The following CNTNAP5 variants were observed in gnomAD, a reference collection of about 807,000 sequenced individuals.
CNTNAP5 encodes the protein contactin associated protein family member 5.
CNTNAP5 carries 72 observed loss-of-function variants against 150.2 expected under a neutral mutation model. The observed-to-expected ratio is 0.48, with a 90% CI of 0.40 to 0.58. The LOEUF (loss-of-function observed/expected upper bound fraction) is 0.58, where lower values mean the gene tolerates loss of function less well. Among genes scored for constraint, CNTNAP5 ranks in the 20% least tolerant of loss-of-function variants. CNTNAP5 has a pLI of 0.00. For missense variants in CNTNAP5, 1,636 were observed against 1,626.2 expected, an observed-to-expected ratio of 1.01 and a Z score of -0.10; for synonymous variants, 672 against 619.8, an observed-to-expected ratio of 1.08 and a Z score of -1.25.
chr2:124,909,278 T>C (rs1345930252), intron 22 of CNTNAP5, among the ~76,000 whole-genome samples: 2 of 152,146 alleles, frequency 1.3e-5, no homozygotes, highest in African/African-American at 4.8e-5. Context: ...ACACATATAC[T>C]CACAAATGTG....
intron 11 of CNTNAP5, among the ~76,000 whole-genome samples, chr2:124,609,587 A>G (rs1337329551): frequency 2.0e-5 from 3 of 151,564 alleles, no homozygotes; most frequent in Admixed American, 6.6e-5. Flanking sequence ...TAATAATAAA[A>G]AGAGAGAGAG....
intron 13 of CNTNAP5, among the ~76,000 whole-genome samples, chr2:124,681,710 C>T (rs1272816403): frequency 2.0e-5 from 3 of 152,144 alleles, no homozygotes; most frequent in South Asian, 2.1e-4. Context: ...ACTACAGGTG[C>T]ATGCCACCAT....
At chr2:124,115,662 T>C (rs1683410535) in intron 1 of CNTNAP5, among the ~76,000 whole-genome samples, 1 of 150,624 alleles carries the variant, frequency 6.6e-6, no homozygotes, top group Admixed American at 6.6e-5. Context: ...TTTTTTTTTT[T>C]TTTTGAGACG....
chr2:124,663,505 G>A (rs1271883944), intron 13 of CNTNAP5, among the ~76,000 whole-genome samples: 2 of 152,160 alleles, frequency 1.3e-5, no homozygotes, highest in Admixed American at 6.5e-5. Flanking sequence ...TGTATATTCA[G>A]CACAATTTTT....
At chr2:124,755,082 C>A (rs1489972118) in intron 14 of CNTNAP5, among the ~76,000 whole-genome samples, 2 of 147,658 alleles carry the variant, frequency 1.4e-5, no homozygotes, top group African/African-American at 2.5e-5. Context: ...TTTTTTTTTT[C>A]TTTCTTTTTA....
At chr2:124,469,092 A>T (rs1407772197) in intron 6 of CNTNAP5, among the ~76,000 whole-genome samples, 2 of 152,186 alleles carry the variant, frequency 1.3e-5, no homozygotes, top group African/African-American at 2.4e-5. Context: ...CCTCAGGGAG[A>T]ACCAGAGAGC....
At chr2:124,768,915 A>T (rs1681128652) in intron 16 of CNTNAP5, among the ~76,000 whole-genome samples, 1 of 152,176 alleles carries the variant, frequency 6.6e-6, no homozygotes, top group African/African-American at 2.4e-5. Context: ...CCTTGAAGAG[A>T]TTATGTCCCT....
intron 6 of CNTNAP5, among the ~76,000 whole-genome samples, chr2:124,459,706 C>T (rs190617869): frequency 8.9e-5 from 13 of 146,720 alleles, no homozygotes; most frequent in Admixed American, 5.6e-4. Flanking sequence ...TGTAGTGACT[C>T]GAGATCACAC....
intron 21 of CNTNAP5, among the ~76,000 whole-genome samples, chr2:124,872,635 T>G (rs1677775967): frequency 6.6e-6 from 1 of 151,978 alleles, no homozygotes; most frequent in South Asian, 2.1e-4. Context: ...AGATCAGTCT[T>G]CTGGTTGAAG....
In CNTNAP5 at chr2:124,645,687, T is replaced by C. The variant is rs142280646; in HGVS notation, c.1877-2071T>C. 9.8e-5 allele frequency among the ~76,000 whole-genome samples: 15 copies of C among 152,336 alleles called. No homozygotes were observed. The East Asian group carries it at 2.9e-3, about 29-fold the overall frequency. ...AATGTTTGAGCACAGTTTAATTTTT[T>C]GCTGTGTATTAGGCCATTTTTGCAT... On this transcript the variant is annotated intron_variant, in intron 12 of 23. Coordinates refer to ENST00000682447, the MANE Select transcript of CNTNAP5 (RefSeq NM_001367498.1).
At chr2:124,371,576 T>G (rs77224639) in intron 3 of CNTNAP5, among the ~76,000 whole-genome samples, 5,333 of 152,196 alleles carry the variant, frequency 0.035, 147 homozygotes, top group Non-Finnish European at 0.042. Flanking sequence ...TTTATGAGTC[T>G]TCTCCAAACA....
chr2:124,111,705 T>C (rs371086520), intron 1 of CNTNAP5, among the ~76,000 whole-genome samples: 23 of 152,214 alleles, frequency 1.5e-4, no homozygotes, highest in African/African-American at 4.6e-4. Context: ...TTATTGGGAG[T>C]TGGCATAAAA....
At chr2:124,510,273 C>CTA (rs369953695) in intron 8 of CNTNAP5, among the ~76,000 whole-genome samples, 1,317 of 33,796 alleles carry the variant, frequency 0.039, 41 homozygotes, top group African/African-American at 0.098. Context: ...ATCTATATAT[C>CTA]TATATCTATA....
chr2:124,482,995 CG>C (rs1693795049), intron 7 of CNTNAP5, among the ~76,000 whole-genome samples: 1 of 152,172 alleles, frequency 6.6e-6, no homozygotes, highest in Admixed American at 6.5e-5. Flanking sequence ...TAACCAGACC[CG>C]GATTACTCGC....
intron 13 of CNTNAP5, among the ~76,000 whole-genome samples, chr2:124,669,465 C>T (rs116780213): frequency 0.022 from 3,324 of 152,242 alleles, 57 homozygotes; most frequent in Middle Eastern, 0.037. Context: ...GCTCCTTCCA[C>T]GTTAAACAAG....
chr2:124,410,795 C>T (rs1450550289), intron 3 of CNTNAP5, among the ~76,000 whole-genome samples: 3 of 150,126 alleles, frequency 2.0e-5, no homozygotes, highest in Non-Finnish European at 3.0e-5. Context: ...CCAAAATTGA[C>T]ACCCTAACAT....
At chr2:124,666,722 C>A (rs1678709581) in intron 13 of CNTNAP5, among the ~76,000 whole-genome samples, 2 of 152,160 alleles carry the variant, frequency 1.3e-5, no homozygotes, top group South Asian at 4.2e-4. Context: ...CCCCTAAATA[C>A]TGTCCTATTC....
rs769649857 is a variant in CNTNAP5 at position 124,297,810 on chromosome 2, T to TTTTTTTA, written c.381+55419_381+55420insTTTTATT. Among the ~76,000 whole-genome samples the TTTTTTTA allele has an allele frequency of 1.1e-3, 141 of 126,388 alleles. 1 individual carries two copies. The highest frequency in any genetic ancestry group is 4.2e-3 in the Admixed American group (47 of 11,108). The allele number at this position is 126,388 out of a possible 152,430, so 82.9% of individuals were successfully genotyped here. ...AAGCCAGGCAATCCACATCCAATTA[T>TTTTTTTA]TTATTATTATTATTATTATTATTAT... is the stretch of plus-strand genomic sequence containing the variant. On this transcript the variant is annotated intron_variant, in intron 3 of 23. Transcript: ENST00000682447.
intron 4 of CNTNAP5, among the ~76,000 whole-genome samples, chr2:124,431,500 G>A (rs915323430): frequency 4.8e-5 from 6 of 126,102 alleles, no homozygotes; most frequent in Non-Finnish European, 9.6e-5. Context: ...GGACAAAAAA[G>A]TGTCAAAGAT....
Sources: gnomAD v4.1 joint callset for allele counts (sites outside exome capture counted in the v4.1 genomes callset) on GRCh38, gnomAD v4.1.1 for gene constraint, MANE v1.5 for transcripts, NCBI Gene and HGNC (gene_info 2026-07-23, HGNC 2026-07-21) for gene names.